Variants in CFHR2 observed in about 807,000 individuals in gnomAD.
The protein encoded by CFHR2 is complement factor H-related protein 2.
Under a neutral mutation model 21.7 loss-of-function variants are expected in CFHR2, and 22 were observed. The observed-to-expected ratio is 1.01, with a 90% confidence interval of 0.72 to 1.45. The LOEUF (loss-of-function observed/expected upper bound fraction) is 1.45. Ranked by LOEUF, CFHR2 falls within the 40% of genes most tolerant of loss-of-function variation. The probability of loss-of-function intolerance (pLI) is 0.00; values close to 1 mark genes in which losing one functional copy is unlikely to be tolerated. For synonymous variants in CFHR2, 98 were observed against 97.4 expected (o/e 1.01, Z -0.04); for missense variants, 294 against 293.3 (o/e 1.00, Z -0.02).
intron 3 of CFHR2, among the ~76,000 whole-genome samples, chr1:196,955,166 C>G (rs74822326): frequency 0.14 from 22,035 of 152,102 alleles, 1,867 homozygotes; most frequent in Middle Eastern, 0.32. Flanking sequence ...TCATCTCTCT[C>G]AACTTCAAAG....
chr1:196,957,538 A>C (rs1300154384), intron 3 of CFHR2, among the ~76,000 whole-genome samples: 1 of 152,128 alleles, frequency 6.6e-6, no homozygotes, highest in African/African-American at 2.4e-5. Context: ...TAAAGAATGA[A>C]ATGACTACAG....
chr1:196,949,096 C>G (rs1172552508), intron 1 of CFHR2, among the ~76,000 whole-genome samples: 5 of 151,974 alleles, frequency 3.3e-5, no homozygotes, highest in African/African-American at 1.2e-4. Flanking sequence ...TAAGAACAAC[C>G]CTGTCACTCC....
chr1:196,944,946 G>A (rs1158574253), intron 1 of CFHR2, among the ~76,000 whole-genome samples: 2 of 149,114 alleles, frequency 1.3e-5, no homozygotes, highest in African/African-American at 5.0e-5. Flanking sequence ...GTGTGATTTC[G>A]GCTCACCACA....
chr1:196,946,934 A>G (rs1413442245), intron 1 of CFHR2, among the ~76,000 whole-genome samples: 1 of 152,164 alleles, frequency 6.6e-6, no homozygotes, highest in East Asian at 1.9e-4. Context: ...TGTGACTGGC[A>G]ATGCTGTAGG....
chr1:196,947,423 A>G (rs572221444), intron 1 of CFHR2, among the ~76,000 whole-genome samples: 1 of 152,314 alleles, frequency 6.6e-6, no homozygotes, highest in East Asian at 1.9e-4. Context: ...AAAATAAACT[A>G]CTATAATTTT....
chr1:196,949,931 A>T (rs1659662301), intron 2 of CFHR2, among the ~76,000 whole-genome samples: 1 of 152,226 alleles, frequency 6.6e-6, no homozygotes, highest in African/African-American at 2.4e-5. Flanking sequence ...CTTTACTAAT[A>T]TTCATTTGGC....
chr1:196,957,764 G>A lies in CFHR2; in HGVS notation c.431-127G>A, dbSNP rs538798592. ...CAGTTTGTAGGATAAATTTTACTCCGGGAATCATTTCATTCAGCACAAATC... is the reference window on the plus strand; with the variant it reads ...CAGTTTGTAGGATAAATTTTACTCCAGGAATCATTTCATTCAGCACAAATC... On this transcript the variant is annotated intron_variant, in intron 3 of 4. Coordinates refer to ENST00000367415, the MANE Select transcript of CFHR2 (RefSeq NM_005666.4). 55 of 799,784 alleles carry A rather than the reference G, an allele frequency of 6.9e-5. No homozygotes were observed. The Middle Eastern group carries it at 1.1e-3, about 16-fold the overall frequency. The allele number at this position is 799,784 out of a possible 1,614,324, so 49.5% of individuals were successfully genotyped here.
At chr1:196,957,363 T>C (rs1224502862) in intron 3 of CFHR2, among the ~76,000 whole-genome samples, 3 of 146,756 alleles carry the variant, frequency 2.0e-5, no homozygotes, top group Non-Finnish European at 4.5e-5. Context: ...TTTTTTTTAC[T>C]TTGTGTTCAA....
chr1:196,953,464 G>A (rs1413653690), intron 3 of CFHR2, among the ~76,000 whole-genome samples: 1 of 151,956 alleles, frequency 6.6e-6, no homozygotes, highest in Non-Finnish European at 1.5e-5. Flanking sequence ...TGTATTCTTA[G>A]TAGAGCCAGG....
chr1:196,946,354 A>G (rs1434706382), intron 1 of CFHR2, among the ~76,000 whole-genome samples: 1 of 152,192 alleles, frequency 6.6e-6, no homozygotes, highest in African/African-American at 2.4e-5. Flanking sequence ...TGCACCCAGG[A>G]TAGACTAAAT....
chr1:196,957,857 T>G (rs745703854), intron 3 of CFHR2, 34 bp from the exon 4 acceptor site: 18 of 1,588,868 alleles, frequency 1.1e-5, no homozygotes, highest in Non-Finnish European at 1.4e-5. Context: ...TATTTTTATT[T>G]ACTCTCCCAG....
chr1:196,958,047 A>T lies in CFHR2; in HGVS notation c.587A>T (p.Gln196Leu), dbSNP rs1481659736. 1 of 1,613,638 alleles carries T rather than the reference A, an allele frequency of 6.2e-7. No individual in the cohort carries two copies. The highest frequency in any genetic ancestry group is 1.1e-5 in the South Asian group (1 of 91,072). The change falls in exon 4 of 5, where the codon CAA becomes CTA. Residue 196 changes from glutamine to leucine, a missense_variant. Transcript: ENST00000367415. ...AATCAAATAACATGTAGAAACGGAC[A>T]ATGGTCAGAACCACCAAAATGCTTA... is the stretch of plus-strand genomic sequence containing the variant. ...GNNQITCRNG[Q>L]WSEPPKCLDP...
Position 196,952,918 on chromosome 1 carries a change from A to C in CFHR2, c.430+1890A>C, listed in dbSNP as rs576766799. 6.6e-5 allele frequency among the ~76,000 whole-genome samples: 10 copies of C among 152,336 alleles called. No homozygotes were observed. The South Asian group carries it at 2.1e-3, about 32-fold the overall frequency. The stretch of plus-strand genomic sequence containing the variant: ...CTCTTTGCCTGTCCCTTATTCCAAA[A>C]GCATAAGGCAACATATTGAGGTTAT... On this transcript the variant is annotated intron_variant, in intron 3 of 4. Transcript: ENST00000367415.
intron 1 of CFHR2, among the ~76,000 whole-genome samples, chr1:196,946,993 G>T (rs1310405565): frequency 1.3e-5 from 2 of 152,094 alleles, no homozygotes; most frequent in African/African-American, 4.8e-5. Flanking sequence ...ATATTACACT[G>T]CTATGTTATG....
At chr1:196,956,438 A>G (rs1039326576) in intron 3 of CFHR2, among the ~76,000 whole-genome samples, 1 of 152,032 alleles carries the variant, frequency 6.6e-6, no homozygotes, top group African/African-American at 2.4e-5. Flanking sequence ...GTGTTCAGTC[A>G]TTTTTTTGTT....
chr1:196,951,649 C>T (rs896209273), intron 3 of CFHR2, among the ~76,000 whole-genome samples: 2 of 152,046 alleles, frequency 1.3e-5, no homozygotes, highest in Non-Finnish European at 2.9e-5. Context: ...AGATTCCGTC[C>T]TATGCTTGCA....
intron 3 of CFHR2, among the ~76,000 whole-genome samples, chr1:196,953,027 G>A (rs1571491290): frequency 1.3e-5 from 2 of 152,256 alleles, no homozygotes; most frequent in South Asian, 4.1e-4. Flanking sequence ...GGTAGCTCAA[G>A]AACGCTGTGG....
chr1:196,950,157 C>T (rs1432619001), intron 2 of CFHR2, among the ~76,000 whole-genome samples: 1 of 152,004 alleles, frequency 6.6e-6, no homozygotes, highest in Non-Finnish European at 1.5e-5. Context: ...GAGAAAACAA[C>T]TGGGAGACAG....
intron 3 of CFHR2, among the ~76,000 whole-genome samples, chr1:196,953,866 T>C (rs1352385525): frequency 1.3e-5 from 2 of 152,190 alleles, no homozygotes; most frequent in Non-Finnish European, 2.9e-5. Flanking sequence ...ATTTGGATTA[T>C]TTACTTTGTC....
Sources: gnomAD v4.1 joint callset for allele counts (sites outside exome capture counted in the v4.1 genomes callset) on GRCh38, gnomAD v4.1.1 for gene constraint, MANE v1.5 for transcripts, NCBI Gene and HGNC (gene_info 2026-07-23, HGNC 2026-07-21) for gene names.